The following NINJ2 variants were observed in gnomAD, a reference collection of about 807,000 sequenced individuals.
NINJ2 encodes ninjurin-2.
Under a neutral mutation model 11.7 loss-of-function variants are expected in NINJ2, and 12 were observed. The observed-to-expected ratio is 1.02, with a 90% confidence interval of 0.66 to 1.66. The LOEUF (loss-of-function observed/expected upper bound fraction) is 1.66. Among genes scored for constraint, NINJ2 ranks in the 40% most tolerant of loss-of-function variants. NINJ2 has a pLI of 0.00. For missense variants in NINJ2, 187 were observed against 181.8 expected, an observed-to-expected ratio of 1.03 and a Z score of -0.16; for synonymous variants, 93 against 76.8, an observed-to-expected ratio of 1.21 and a Z score of -1.10.
intron 1 of NINJ2, among the ~76,000 whole-genome samples, chr12:568,455 AG>A (rs768455776): frequency 8.5e-5 from 13 of 152,272 alleles, no homozygotes; most frequent in Non-Finnish European, 1.5e-4. Flanking sequence ...TCTGTTTGCC[AG>A]GAGGGTGCAC....
chr12:596,301 A>G lies in NINJ2; in HGVS notation c.34-30123T>C, dbSNP rs545196371. ...GAGGGTATGATGGTGGAAATACATCATTATGCATTTGTCCAAAACTGTAGA... is the reference window on the plus strand; with the variant it reads ...GAGGGTATGATGGTGGAAATACATCGTTATGCATTTGTCCAAAACTGTAGA... On this transcript the variant is annotated intron_variant, in intron 1 of 3. Coordinates refer to ENST00000305108, the MANE Select transcript of NINJ2 (RefSeq NM_016533.6). Among the ~76,000 whole-genome samples the G allele has an allele frequency of 4.6e-5, 7 of 152,352 alleles. No homozygotes were observed. The South Asian group carries it at 1.4e-3, about 32-fold the overall frequency.
intron 1 of NINJ2, among the ~76,000 whole-genome samples, chr12:659,316 TG>T (rs1256868733): frequency 1.3e-5 from 2 of 151,426 alleles, no homozygotes; most frequent in East Asian, 3.9e-4. Flanking sequence ...GCAGCACAGG[TG>T]GAAAAAAAGG....
rs1947713920 is a variant in NINJ2, at chr12:591,454, C to T, written c.34-25276G>A. On this transcript the variant is annotated intron_variant, in intron 1 of 3. Transcript: ENST00000305108. The surrounding 1 kb of genome is among the most constrained non-coding windows in gnomAD (Gnocchi z 5.0). Reference sequence around the variant, plus strand: ...CTCTCCTGATGCAAGGTCCTTTCTGCTAGTCATGACTACTAAGACCTGCTG... The same window carrying T: ...CTCTCCTGATGCAAGGTCCTTTCTGTTAGTCATGACTACTAAGACCTGCTG... Among the ~76,000 whole-genome samples the T allele has an allele frequency of 1.3e-5, 2 of 152,314 alleles. No individual in the cohort carries two copies. Among genetic ancestry groups the T allele is most frequent in the Admixed American group, 6.5e-5 (1 of 15,304 alleles).
chr12:612,919 C>T (rs539177160), intron 1 of NINJ2, among the ~76,000 whole-genome samples: 2 of 152,276 alleles, frequency 1.3e-5, no homozygotes, highest in East Asian at 1.9e-4. Flanking sequence ...ATCGCCTGAT[C>T]GGCTGATTGG....
In NINJ2 at chr12:621,810, C is replaced by T. The variant is rs1267637979; in HGVS notation, c.33+41518G>A. On this transcript the variant is annotated intron_variant, in intron 1 of 3. Coordinates refer to ENST00000305108, the MANE Select transcript of NINJ2 (RefSeq NM_016533.6). ...CCAGCCTGGTGACAGAGTGAGACTC[C>T]GTCTCAGAAAAAAAAAAAAAAAGAG... Among the ~76,000 whole-genome samples the T allele has an allele frequency of 5.3e-4, 54 of 101,308 alleles. 1 individual carries two copies. Among genetic ancestry groups the T allele is most frequent in the Non-Finnish European group, 9.9e-4 (49 of 49,550 alleles). The allele number at this position is 101,308 out of a possible 152,430, so 66.5% of individuals were successfully genotyped here.
chr12:601,282 C>T (rs1249212587), intron 1 of NINJ2, among the ~76,000 whole-genome samples: 3 of 152,228 alleles, frequency 2.0e-5, no homozygotes, highest in African/African-American at 4.8e-5. Context: ...CGCAGTGGCT[C>T]ACGCCTGTAA....
intron 2 of NINJ2, chr12:565,630 C>G (rs1230598840): frequency 5.4e-5 from 33 of 611,748 alleles, no homozygotes; most frequent in Non-Finnish European, 5.8e-6. Context: ...TAAGCTGGGT[C>G]CTGTAAGCGT....
At chr12:621,256 T>G (rs1030253205) in intron 1 of NINJ2, among the ~76,000 whole-genome samples, 1 of 151,618 alleles carries the variant, frequency 6.6e-6, no homozygotes, top group Non-Finnish European at 1.5e-5. Context: ...AAGACCAGCC[T>G]GGGCAACATA....
At chr12:578,318 C>G (rs11836606) in intron 1 of NINJ2, among the ~76,000 whole-genome samples, 57,542 of 151,586 alleles carry the variant, frequency 0.38, 11,739 homozygotes, top group African/African-American at 0.51. Context: ...TTCTTTAACT[C>G]GGTGCCTGAG....
chr12:576,634 C>T (rs1156437340), intron 1 of NINJ2, among the ~76,000 whole-genome samples: 2 of 152,228 alleles, frequency 1.3e-5, no homozygotes, highest in South Asian at 4.1e-4. Flanking sequence ...GCCGGGGCTG[C>T]AGGCGCGAGC....
chr12:655,328 T>C (rs889594122), intron 1 of NINJ2, among the ~76,000 whole-genome samples: 1 of 152,138 alleles, frequency 6.6e-6, no homozygotes, highest in African/African-American at 2.4e-5. Flanking sequence ...AATAAAACTA[T>C]CTCTGTTTGC....
At chr12:660,289 T>TAAA (rs776762900) in intron 1 of NINJ2, among the ~76,000 whole-genome samples, 1,624 of 107,658 alleles carry the variant, frequency 0.015, 47 homozygotes, top group African/African-American at 0.054. Context: ...TCCTGTCTGT[T>TAAA]AAAAAAAAAA....
At chr12:636,147 C>T (rs1324087249) in intron 1 of NINJ2, among the ~76,000 whole-genome samples, 3 of 152,148 alleles carry the variant, frequency 2.0e-5, no homozygotes, top group East Asian at 1.9e-4. Flanking sequence ...GAGGCCGAGG[C>T]GGGTGGATTA....
intron 1 of NINJ2, among the ~76,000 whole-genome samples, chr12:655,219 G>A (rs1253699175): frequency 6.6e-6 from 1 of 152,174 alleles, no homozygotes; most frequent in Non-Finnish European, 1.5e-5. Flanking sequence ...GTATGAACAA[G>A]TCTTAGCAGT....
chr12:615,563 C>T (rs1043560941), intron 1 of NINJ2, among the ~76,000 whole-genome samples: 1 of 152,150 alleles, frequency 6.6e-6, no homozygotes, highest in African/African-American at 2.4e-5. Flanking sequence ...ACTCTAGCCC[C>T]GGGCGACAAG....
chr12:625,519 A>T (rs1948202661), intron 1 of NINJ2, among the ~76,000 whole-genome samples: 1 of 152,180 alleles, frequency 6.6e-6, no homozygotes, highest in Non-Finnish European at 1.5e-5. Flanking sequence ...TACGTTGAAG[A>T]AAAAGAAAGC....
chr12:629,580 A>T (rs1400259340), intron 1 of NINJ2, among the ~76,000 whole-genome samples: 1 of 151,992 alleles, frequency 6.6e-6, no homozygotes, highest in East Asian at 1.9e-4. Flanking sequence ...AAATTCGTAA[A>T]TTGTCTTAAA....
chr12:632,044 G>T (rs1301673550), intron 1 of NINJ2, among the ~76,000 whole-genome samples: 1 of 152,144 alleles, frequency 6.6e-6, no homozygotes, highest in African/African-American at 2.4e-5. Context: ...CTCAAGTTTT[G>T]GGGAAGGTCA....
In NINJ2 at chr12:596,992, T is replaced by G. The variant is rs117550179; in HGVS notation, c.34-30814A>C. Among the ~76,000 whole-genome samples, 908 of 152,218 alleles carry G rather than the reference T, an allele frequency of 6.0e-3. 3 individuals carry two copies. The highest frequency in any genetic ancestry group is 9.2e-3 in the Non-Finnish European group (624 of 68,012). On this transcript the variant is annotated intron_variant, in intron 1 of 3. Coordinates refer to ENST00000305108, the MANE Select transcript of NINJ2 (RefSeq NM_016533.6). Reference sequence around the variant, plus strand: ...TAAATAAACATAAAAAAGTTAAGCTTCTGTCACATGAAAAACTTGTTAAAA... The same window carrying G: ...TAAATAAACATAAAAAAGTTAAGCTGCTGTCACATGAAAAACTTGTTAAAA...
Sources: gnomAD v4.1 joint callset for allele counts (sites outside exome capture counted in the v4.1 genomes callset) on GRCh38, gnomAD v4.1.1 for gene constraint, Gnocchi (gnomAD v3.1) non-coding constraint, MANE v1.5 for transcripts, NCBI Gene and HGNC (gene_info 2026-07-23, HGNC 2026-07-21) for gene names.